PIK3R1: variants seen among roughly 807,000 people sequenced by gnomAD.
PIK3R1 encodes the protein phosphoinositide-3-kinase regulatory subunit 1.
PIK3R1 carries 29 observed loss-of-function variants against 98.0 expected under a neutral mutation model. That is an observed-to-expected ratio of 0.30 (90% CI 0.22 to 0.40). PIK3R1 has a LOEUF of 0.40. PIK3R1 is among the 10% of genes least tolerant of loss of function. The pLI is 1.00. For missense variants in PIK3R1, 596 were observed against 872.7 expected (o/e 0.68, Z 3.99); for synonymous variants, 282 against 311.8 (o/e 0.90, Z 1.01).
intron 2 of PIK3R1, among the ~76,000 whole-genome samples, chr5:68,267,655 A>G (rs1746179444): frequency 6.6e-6 from 1 of 152,162 alleles, no homozygotes; most frequent in Non-Finnish European, 1.5e-5. Flanking sequence ...TTCCTCCAAA[A>G]AAAAAAGCTC....
intron 7 of PIK3R1, chr5:68,288,365 G>A: frequency 1.9e-6 from 2 of 1,056,908 alleles, no homozygotes; most frequent in South Asian, 8.5e-5. Context: ...TCATGAAGCT[G>A]CGATCTTTAT....
At chr5:68,232,856 G>C (rs1744533905) in intron 2 of PIK3R1, among the ~76,000 whole-genome samples, 1 of 152,136 alleles carries the variant, frequency 6.6e-6, no homozygotes, top group South Asian at 2.1e-4. Flanking sequence ...ATTCAAATAG[G>C]AGTTATTTAA....
chr5:68,233,810 C>T (rs1397253175), intron 2 of PIK3R1, among the ~76,000 whole-genome samples: 1 of 152,152 alleles, frequency 6.6e-6, no homozygotes, highest in Non-Finnish European at 1.5e-5. Flanking sequence ...ATTATGTATG[C>T]AGAACTTTCT....
rs1421393592 is a variant in PIK3R1 at position 68,300,761 on chromosome 5, A to G, written c.*3160A>G. The G allele has an allele frequency of 4.3e-6, 1 of 233,100 alleles. No individual in the cohort carries two copies. Among genetic ancestry groups the G allele is most frequent in the Non-Finnish European group, 8.5e-6 (1 of 118,050 alleles). The allele number at this position is 233,100 out of a possible 1,614,324, so 14.4% of individuals were successfully genotyped here. ...TACAATTCTTACTTATGTGTATGGG[A>G]TTTTTCCCTTTGAGGTTGCTTTGTT... On this transcript the variant is annotated 3_prime_UTR_variant, in exon 16 of 16. Coordinates refer to ENST00000521381, the MANE Select transcript of PIK3R1 (RefSeq NM_181523.3).
intron 2 of PIK3R1, among the ~76,000 whole-genome samples, chr5:68,269,172 T>C (rs1746246634): frequency 6.6e-6 from 1 of 152,142 alleles, no homozygotes; most frequent in Non-Finnish European, 1.5e-5. Flanking sequence ...ATCTTTATCC[T>C]TTTCTTCCTA....
rs1747767088 is a variant in PIK3R1, at chr5:68,297,164, T to G, written c.1986-248T>G. ...TTTTGCATGCATGATCTCATTTCAT[T>G]TCTCAAAGTAACTGTATTACATGTA... On this transcript the variant is annotated intron_variant, in intron 15 of 15. Coordinates refer to ENST00000521381, the MANE Select transcript of PIK3R1 (RefSeq NM_181523.3). Among the ~76,000 whole-genome samples the G allele has an allele frequency of 2.0e-5, 3 of 152,326 alleles. No homozygotes were observed. In the South Asian group the frequency reaches 6.2e-4, roughly 32 times the overall value.
chr5:68,277,494 A>G (rs186011594), intron 4 of PIK3R1, among the ~76,000 whole-genome samples: 220 of 152,164 alleles, frequency 1.4e-3, no homozygotes, highest in Non-Finnish European at 2.2e-3. Flanking sequence ...TTCCAGACCT[A>G]CTTTTCTTAG....
At chr5:68,220,130 G>T (rs1036098353) in intron 1 of PIK3R1, among the ~76,000 whole-genome samples, 5 of 152,110 alleles carry the variant, frequency 3.3e-5, no homozygotes, top group African/African-American at 1.2e-4. Context: ...TGGGCTGTAG[G>T]TTTGCTTATA....
intron 2 of PIK3R1, among the ~76,000 whole-genome samples, chr5:68,247,459 T>C (rs1226549566): frequency 1.3e-5 from 2 of 151,826 alleles, no homozygotes; most frequent in African/African-American, 4.8e-5. Flanking sequence ...CCACCATGCC[T>C]GGCTAATTTT....
chr5:68,297,143 G>A (rs371990628), intron 15 of PIK3R1, among the ~76,000 whole-genome samples: 2 of 152,212 alleles, frequency 1.3e-5, no homozygotes, highest in African/African-American at 4.8e-5. Flanking sequence ...CTAGCATTTT[G>A]CATGCATGAT....
intron 2 of PIK3R1, among the ~76,000 whole-genome samples, chr5:68,267,073 A>C (rs1746149810): frequency 1.3e-5 from 2 of 152,174 alleles, no homozygotes; most frequent in Non-Finnish European, 2.9e-5. Flanking sequence ...CTCAGGTATA[A>C]ATTATTTTTC....
chr5:68,297,282 G>C (rs1373533170), intron 15 of PIK3R1, 130 bp from the exon 16 acceptor site: 23 of 690,942 alleles, frequency 3.3e-5, no homozygotes, highest in Non-Finnish European at 5.4e-5. Flanking sequence ...TCGGCCAGGT[G>C]TCAGTTGTAA....
chr5:68,290,533 A>G (rs1424423808), intron 7 of PIK3R1: 2 of 591,808 alleles, frequency 3.4e-6, no homozygotes, highest in Admixed American at 4.0e-5. Flanking sequence ...GCATTATGTT[A>G]AGGCTGGTAT....
rs1281372708 is a variant in PIK3R1 at position 68,247,204 on chromosome 5, G to C, written c.334+20195G>C. On this transcript the variant is annotated intron_variant, in intron 2 of 15. Transcript: ENST00000521381. ...TCATAATAGTTTTTTGAGTAGAGGAGGTATGCTGCTCTCATGGTCTCTCTT... is the reference window on the plus strand; with the variant it reads ...TCATAATAGTTTTTTGAGTAGAGGACGTATGCTGCTCTCATGGTCTCTCTT... Among the ~76,000 whole-genome samples the C allele has an allele frequency of 2.6e-5, 4 of 152,180 alleles. No individual in the cohort carries two copies. In the East Asian group the frequency reaches 7.7e-4, roughly 29 times the overall value.
chr5:68,295,692 T>C, intron 14 of PIK3R1: 1 of 588,184 alleles, frequency 1.7e-6, no homozygotes, highest in Admixed American at 3.0e-5. Context: ...TTTTTACTCA[T>C]AATGCTGTGA....
chr5:68,263,974 T>TA (rs1486571057), intron 2 of PIK3R1, among the ~76,000 whole-genome samples: 1 of 152,184 alleles, frequency 6.6e-6, no homozygotes, highest in Non-Finnish European at 1.5e-5. Flanking sequence ...AAAATATATA[T>TA]TTTTAAAAAG....
At chr5:68,241,387 TG>T (rs138633484) in intron 2 of PIK3R1, among the ~76,000 whole-genome samples, 53 of 57,162 alleles carry the variant, frequency 9.3e-4, no homozygotes, top group Admixed American at 5.2e-3. Flanking sequence ...CAATTTTTTT[TG>T]TTTTTTTTTT....
chr5:68,224,900 CT>C lies in PIK3R1; in HGVS notation c.-386-1388del, dbSNP rs1488811660. On this transcript the variant is annotated intron_variant, in intron 1 of 15. Coordinates refer to ENST00000521381, the MANE Select transcript of PIK3R1 (RefSeq NM_181523.3). ...TGTTTAAGAACAAAAAAGAAAAACACTTACATTTCACATTTCCTCCATCAAG... is the reference window on the plus strand; with the variant it reads ...TGTTTAAGAACAAAAAAGAAAAACACTACATTTCACATTTCCTCCATCAAG... 3.3e-5 allele frequency among the ~76,000 whole-genome samples: 5 copies of C among 152,356 alleles called. No individual in the cohort carries two copies. In the East Asian group the frequency reaches 9.6e-4, roughly 29 times the overall value.
chr5:68,224,866 C>CCTCCA (rs1744218547), intron 1 of PIK3R1, among the ~76,000 whole-genome samples: 1 of 152,232 alleles, frequency 6.6e-6, no homozygotes, highest in Non-Finnish European at 1.5e-5. Context: ...AATTCCCTTG[C>CCTCCA]CTCCACTATG....
Sources: allele counts gnomAD v4.1 joint callset (sites outside exome capture counted in the v4.1 genomes callset), GRCh38; gene constraint gnomAD v4.1.1; transcripts MANE v1.5; gene names NCBI Gene and HGNC (gene_info 2026-07-23, HGNC 2026-07-21).